The following ADARB2 variants were observed in gnomAD, a reference collection of about 807,000 sequenced individuals.
The protein encoded by ADARB2 is adenosine deaminase RNA specific B2 (inactive).
A neutral mutation model predicts 62.2 loss-of-function variants in ADARB2; 25 were observed. The observed-to-expected ratio is 0.40, with a 90% CI of 0.29 to 0.56. The LOEUF is 0.56. ADARB2 is among the 20% of genes least tolerant of loss of function. The pLI, the probability that ADARB2 is intolerant of heterozygous loss-of-function variation, is 0.43. For missense variants in ADARB2, 1,071 were observed against 1,077.4 expected, an observed-to-expected ratio of 0.99 and a Z score of 0.08; for synonymous variants, 572 against 500.8, an observed-to-expected ratio of 1.14 and a Z score of -1.90.
At chr10:1,405,501 G>C (rs1326247931) in intron 1 of ADARB2, among the ~76,000 whole-genome samples, 2 of 151,846 alleles carry the variant, frequency 1.3e-5, no homozygotes, top group Non-Finnish European at 2.9e-5. Flanking sequence ...GTGATGGTAG[G>C]GGCCTGTAAT....
At chr10:1,402,335 C>T (rs981318327) in intron 1 of ADARB2, among the ~76,000 whole-genome samples, 1 of 152,174 alleles carries the variant, frequency 6.6e-6, no homozygotes, top group Admixed American at 6.5e-5. Flanking sequence ...AACCGCTATT[C>T]TGCACACACA....
chr10:1,285,528 C>T (rs973593693), intron 3 of ADARB2, among the ~76,000 whole-genome samples: 5 of 152,196 alleles, frequency 3.3e-5, no homozygotes, highest in East Asian at 3.9e-4. Context: ...TGTGGTTTCT[C>T]GTTACACAAT....
chr10:1,707,904 G>A (rs1361296874), intron 1 of ADARB2, among the ~76,000 whole-genome samples: 4 of 152,192 alleles, frequency 2.6e-5, no homozygotes, highest in Non-Finnish European at 5.9e-5. Context: ...AGTGGGAGAG[G>A]TTGCAGGGGG....
chr10:1,505,106 CACAG>C (rs1459136076), intron 1 of ADARB2, among the ~76,000 whole-genome samples: 2 of 149,080 alleles, frequency 1.3e-5, no homozygotes, highest in Non-Finnish European at 3.0e-5. Context: ...CACATGCACA[CACAG>C]ACACACACAA....
At chr10:1,293,228 G>GGGGAGAGGGACAGAGGGAGGGAA (rs1554752375) in intron 3 of ADARB2, among the ~76,000 whole-genome samples, 2 of 108,450 alleles carry the variant, frequency 1.8e-5, no homozygotes, top group Non-Finnish European at 3.9e-5. Context: ...GAGAGGGACG[G>GGGGAGAGGGACAGAGGGAGGGAA]GGAGGGAGAG....
intron 1 of ADARB2, among the ~76,000 whole-genome samples, chr10:1,589,608 G>A (rs559389274): frequency 3.8e-4 from 58 of 152,334 alleles, no homozygotes; most frequent in African/African-American, 1.3e-3. Context: ...CCACCCCTGA[G>A]TTAGAAGCCT....
At position 1,510,110 on chromosome 10, in the gene ADARB2, C is replaced by CTCTCTCTCTT. The variant is rs1554767637; in HGVS notation, c.101-130951_101-130950insAAGAGAGAGA. On this transcript the variant is annotated intron_variant, in intron 1 of 9. Transcript: ENST00000381312. ...CTCTCTCTCTCTTTTCTTTCTTTCTCTCTTTCTTTCTTTCTTTCTTTCTTT... is the reference window on the plus strand; with the variant it reads ...CTCTCTCTCTCTTTTCTTTCTTTCTCTCTCTCTCTTTCTTTCTTTCTTTCTTTCTTTCTTT... Among the ~76,000 whole-genome samples, 11 of 106,252 alleles carry CTCTCTCTCTT rather than the reference C, an allele frequency of 1.0e-4. No individual in the cohort carries two copies. In the South Asian group the frequency reaches 1.9e-3, roughly 18 times the overall value. 69.7% of individuals were successfully genotyped at this position (106,252 alleles called of 152,430 possible).
At chr10:1,646,035 CAT>C (rs758428108) in intron 1 of ADARB2, among the ~76,000 whole-genome samples, 10 of 152,134 alleles carry the variant, frequency 6.6e-5, no homozygotes, top group Non-Finnish European at 1.3e-4. Context: ...CCCAGGGACA[CAT>C]GAGGATGGCA....
chr10:1,461,271 G>A (rs1428635613), intron 1 of ADARB2, among the ~76,000 whole-genome samples: 1 of 152,100 alleles, frequency 6.6e-6, no homozygotes, highest in Non-Finnish European at 1.5e-5. Context: ...GCTCTTGCAG[G>A]TCATCTCCCA....
intron 1 of ADARB2, among the ~76,000 whole-genome samples, chr10:1,731,829 G>A (rs184653985): frequency 4.7e-4 from 72 of 152,226 alleles, no homozygotes; most frequent in African/African-American, 1.6e-3. Context: ...ATTCTGTGAA[G>A]GGCAGCCAGG....
At chr10:1,362,015 C>T (rs1832262235) in intron 3 of ADARB2, among the ~76,000 whole-genome samples, 1 of 152,192 alleles carries the variant, frequency 6.6e-6, no homozygotes, top group Non-Finnish European at 1.5e-5. Flanking sequence ...CATAAATCAG[C>T]CATTGCAAGA....
In ADARB2 at chr10:1,213,528, T is replaced by C. The variant is rs534687062; in HGVS notation, c.1682+3423A>G. The stretch of plus-strand genomic sequence containing the variant: ...CCCCCTGTCCACTGCACCCCTGTCC[T>C]GTCACCAGACTCGGGGATGAAGCAC... On this transcript the variant is annotated intron_variant, in intron 7 of 9. Coordinates refer to ENST00000381312, the MANE Select transcript of ADARB2 (RefSeq NM_018702.4). Among the ~76,000 whole-genome samples the C allele has an allele frequency of 5.9e-5, 9 of 152,298 alleles. No individual in the cohort carries two copies. The East Asian group carries it at 1.7e-3, about 29-fold the overall frequency.
intron 1 of ADARB2, among the ~76,000 whole-genome samples, chr10:1,481,174 A>G (rs1309543558): frequency 1.3e-5 from 2 of 152,240 alleles, no homozygotes; most frequent in African/African-American, 2.4e-5. Context: ...TATGTAGTCA[A>G]ATGAATTTTG....
chr10:1,610,577 G>A (rs1833555724), intron 1 of ADARB2, among the ~76,000 whole-genome samples: 1 of 152,226 alleles, frequency 6.6e-6, no homozygotes, highest in African/African-American at 2.4e-5. Context: ...TCCAGCACCA[G>A]CTGCTGAGCC....
At chr10:1,629,562 C>A (rs892043493) in intron 1 of ADARB2, among the ~76,000 whole-genome samples, 2 of 129,880 alleles carry the variant, frequency 1.5e-5, no homozygotes, top group East Asian at 5.4e-4. Context: ...CAGCACCCAA[C>A]CCCCCCAGCA....
chr10:1,210,261 CATTT>C (rs1837131879), intron 7 of ADARB2, among the ~76,000 whole-genome samples: 2 of 152,196 alleles, frequency 1.3e-5, no homozygotes, highest in Admixed American at 6.5e-5. Flanking sequence ...CAATTCTATC[CATTT>C]ATTCTCATTT....
intron 4 of ADARB2, among the ~76,000 whole-genome samples, 186 bp from the exon 5 acceptor site, chr10:1,242,485 G>A (rs1387917673): frequency 6.6e-6 from 1 of 152,222 alleles, no homozygotes; most frequent in African/African-American, 2.4e-5. Context: ...CCCGCCTGAG[G>A]GATTCCCATC....
intron 5 of ADARB2, chr10:1,240,299 TCTCCCTCCCGGTGTTTACTCC>T (rs1830901989): frequency 1.2e-5 from 1 of 86,574 alleles, no homozygotes; most frequent in Non-Finnish European, 2.3e-5. Context: ...TTTACTCCCC[TCTCCCTCCCGGTGTTTACTCC>T]CCTCTGCCTC....
chr10:1,487,309 T>C (rs1831555956), intron 1 of ADARB2, among the ~76,000 whole-genome samples: 1 of 152,260 alleles, frequency 6.6e-6, no homozygotes, highest in Non-Finnish European at 1.5e-5. Flanking sequence ...TTGCAAGTTA[T>C]TGAAAACAAG....
Sources: gnomAD v4.1 joint callset for allele counts (sites outside exome capture counted in the v4.1 genomes callset) on GRCh38, gnomAD v4.1.1 for gene constraint, MANE v1.5 for transcripts, NCBI Gene and HGNC (gene_info 2026-07-23, HGNC 2026-07-21) for gene names.